Variants in CTNNA2 observed in about 807,000 individuals in gnomAD.
CTNNA2 encodes the protein catenin alpha-2.
A neutral mutation model predicts 101.0 loss-of-function variants in CTNNA2; 42 were observed. The ratio of observed to expected loss-of-function variants is 0.42; its 90% CI spans 0.32 to 0.54. The LOEUF (loss-of-function observed/expected upper bound fraction) is 0.54. CTNNA2 is among the 20% of genes least tolerant of loss of function. The probability of loss-of-function intolerance (pLI) is 0.14; values close to 1 mark genes in which losing one functional copy is unlikely to be tolerated. For synonymous variants in CTNNA2, 450 were observed against 456.4 expected (o/e 0.99, Z 0.18); for missense variants, 871 against 1,223.1 (o/e 0.71, Z 4.29).
chr2:80,606,373 C>T (rs1698006566), intron 16 of CTNNA2, among the ~76,000 whole-genome samples: 1 of 91,106 alleles, frequency 1.1e-5, no homozygotes, highest in African/African-American at 5.0e-5. Context: ...ATCAAACACA[C>T]ACACACACAC....
At chr2:80,015,865 A>G (rs1380242670) in intron 7 of CTNNA2, among the ~76,000 whole-genome samples, 1 of 152,208 alleles carries the variant, frequency 6.6e-6, no homozygotes, top group Admixed American at 6.5e-5. Flanking sequence ...TCAGTGGTCA[A>G]AAGGAAATGT....
chr2:79,389,665 A>G (rs1678145212), intron 4 of CTNNA2, among the ~76,000 whole-genome samples: 1 of 152,216 alleles, frequency 6.6e-6, no homozygotes, highest in African/African-American at 2.4e-5. Context: ...TCAGTCTGCC[A>G]TCATAACTTA....
intron 6 of CTNNA2, among the ~76,000 whole-genome samples, chr2:79,894,120 G>T (rs1684529460): frequency 6.9e-6 from 1 of 144,532 alleles, no homozygotes; most frequent in African/African-American, 2.6e-5. Context: ...TCTTTTTTAA[G>T]CTAAAGGAAC....
intron 7 of CTNNA2, among the ~76,000 whole-genome samples, chr2:79,976,444 C>T (rs1345674024): frequency 6.6e-6 from 1 of 152,128 alleles, no homozygotes; most frequent in African/African-American, 2.4e-5. Context: ...ATTATGTCTC[C>T]ATTCGAGAGC....
chr2:80,205,421 C>T (rs1183800028), intron 7 of CTNNA2, among the ~76,000 whole-genome samples: 1 of 152,064 alleles, frequency 6.6e-6, no homozygotes, highest in Non-Finnish European at 1.5e-5. Flanking sequence ...ATAAAGAGCA[C>T]AATAATTAGT....
At chr2:80,577,292 G>A (rs1695137059) in intron 13 of CTNNA2, among the ~76,000 whole-genome samples, 1 of 152,084 alleles carries the variant, frequency 6.6e-6, no homozygotes, top group Admixed American at 6.6e-5. Context: ...GTATCCTAAA[G>A]GGGATAGAGC....
intron 18 of CTNNA2, among the ~76,000 whole-genome samples, chr2:80,627,189 G>C (rs191199759): frequency 6.7e-6 from 1 of 148,886 alleles, no homozygotes; most frequent in African/African-American, 2.5e-5. Context: ...GTGTGTGTGT[G>C]TCTTTATAGT....
intron 9 of CTNNA2, among the ~76,000 whole-genome samples, chr2:80,523,046 C>G (rs777670113): frequency 6.6e-6 from 1 of 151,962 alleles, no homozygotes; most frequent in Non-Finnish European, 1.5e-5. Context: ...AGTGAGAAGC[C>G]AGAGTCTGGG....
intron 7 of CTNNA2, among the ~76,000 whole-genome samples, chr2:80,306,023 G>T (rs1676905298): frequency 6.6e-6 from 1 of 152,206 alleles, no homozygotes; most frequent in Non-Finnish European, 1.5e-5. Flanking sequence ...GACTGGACAA[G>T]TAACTGGATT....
intron 7 of CTNNA2, among the ~76,000 whole-genome samples, chr2:80,144,965 C>G (rs547737932): frequency 3.9e-5 from 6 of 152,200 alleles, no homozygotes; most frequent in East Asian, 1.9e-4. Context: ...ACCTCTCCCC[C>G]CAGCTGTCAC....
At chr2:80,151,417 C>G (rs1176231006) in intron 7 of CTNNA2, among the ~76,000 whole-genome samples, 3 of 152,154 alleles carry the variant, frequency 2.0e-5, no homozygotes, top group African/African-American at 7.2e-5. Context: ...GCTATTGCTT[C>G]TCTTTGAGGC....
intron 4 of CTNNA2, among the ~76,000 whole-genome samples, chr2:79,388,359 G>A (rs1678130725): frequency 6.6e-6 from 1 of 152,076 alleles, no homozygotes; most frequent in Non-Finnish European, 1.5e-5. Context: ...TGACTTTTTT[G>A]TTATCGATTC....
chr2:79,351,808 T>C (rs1366843439), intron 3 of CTNNA2, among the ~76,000 whole-genome samples: 1 of 152,238 alleles, frequency 6.6e-6, no homozygotes. Context: ...GGTGTATATG[T>C]ACCACATTTT....
At chr2:79,809,968 AC>A (rs1188728321) in intron 3 of CTNNA2, among the ~76,000 whole-genome samples, 1 of 152,198 alleles carries the variant, frequency 6.6e-6, no homozygotes, top group African/African-American at 2.4e-5. Flanking sequence ...CACTGCAAAA[AC>A]ATACCAAATA....
At chr2:80,606,265 T>A (rs961504245) in intron 16 of CTNNA2, among the ~76,000 whole-genome samples, 12 of 151,812 alleles carry the variant, frequency 7.9e-5, no homozygotes, top group Non-Finnish European at 1.3e-4. Flanking sequence ...TCAATAGTTT[T>A]GGTTGTGACT....
At chr2:80,386,045 G>T (rs1018447009) in intron 7 of CTNNA2, among the ~76,000 whole-genome samples, 3 of 151,706 alleles carry the variant, frequency 2.0e-5, no homozygotes, top group Non-Finnish European at 4.4e-5. Context: ...CCTGCTTTGC[G>T]CATTGTCCAA....
At chr2:80,549,692 C>G (rs1692402250) in intron 11 of CTNNA2, among the ~76,000 whole-genome samples, 1 of 152,030 alleles carries the variant, frequency 6.6e-6, no homozygotes, top group Non-Finnish European at 1.5e-5. Context: ...CAACATTCCT[C>G]TCTCTCTTTA....
upstream of CTNNA2, among the ~76,000 whole-genome samples, chr2:79,510,747 T>C (rs1671517079): frequency 6.6e-6 from 1 of 152,216 alleles, no homozygotes; most frequent in Non-Finnish European, 1.5e-5. Flanking sequence ...TTTTAATAAC[T>C]CTAATTTAAA....
At chr2:79,465,616 A>G (rs1573178641) in intron 4 of CTNNA2, among the ~76,000 whole-genome samples, 1 of 152,226 alleles carries the variant, frequency 6.6e-6, no homozygotes, top group Non-Finnish European at 1.5e-5. Context: ...ATCCATGAGC[A>G]TGGAATGTTC....
Sources: allele counts gnomAD v4.1 joint callset (sites outside exome capture counted in the v4.1 genomes callset), GRCh38; gene constraint gnomAD v4.1.1; transcripts MANE v1.5; gene names NCBI Gene and HGNC (gene_info 2026-07-23, HGNC 2026-07-21).